GSE1: variants seen among roughly 807,000 people sequenced by gnomAD.
The protein encoded by GSE1 is genetic suppressor element 1.
A neutral mutation model predicts 112.6 loss-of-function variants in GSE1; 32 were observed. The observed-to-expected ratio is 0.28, with a 90% confidence interval of 0.21 to 0.38. The LOEUF (loss-of-function observed/expected upper bound fraction) is 0.38. Ranked by LOEUF, GSE1 falls within the 10% of genes least tolerant of loss-of-function variation. The pLI is 1.00. For synonymous variants in GSE1, 1,115 were observed against 735.6 expected (o/e 1.52, Z -8.35); for missense variants, 2,348 against 1,699.2 (o/e 1.38, Z -6.71).
At chr16:85,657,739 C>T (rs2052089669) in intron 8 of GSE1, 135 bp downstream of exon 8, 7 of 619,716 alleles carry the variant, frequency 1.1e-5, no homozygotes, top group East Asian at 6.4e-5. Flanking sequence ...GTTCTTTCAT[C>T]TTCACGTTAT....
At chr16:85,591,680 C>T (rs181345994) in intron 1 of GSE1, among the ~76,000 whole-genome samples, 46 of 152,352 alleles carry the variant, frequency 3.0e-4, no homozygotes, top group African/African-American at 9.9e-4. Context: ...AGGGTCCGGA[C>T]CTCACCGGGA....
intron 1 of GSE1, among the ~76,000 whole-genome samples, chr16:85,615,990 C>T (rs1264612407): frequency 6.6e-6 from 1 of 152,248 alleles, no homozygotes; most frequent in African/African-American, 2.4e-5. Context: ...CCCTCCCCTC[C>T]AGCAGTCACT....
At chr16:85,261,770 G>A (rs956351990) in intron 1 of GSE1, among the ~76,000 whole-genome samples, 1 of 152,172 alleles carries the variant, frequency 6.6e-6, no homozygotes, top group Admixed American at 6.5e-5. Context: ...TGCCAGAGCC[G>A]CCATCGTCCC....
At chr16:85,463,318 G>A (rs2050030003) in intron 2 of GSE1, among the ~76,000 whole-genome samples, 1 of 152,214 alleles carries the variant, frequency 6.6e-6, no homozygotes, top group Non-Finnish European at 1.5e-5. Context: ...CAGAAGAGAA[G>A]CCCTGGGTTG....
In GSE1 at chr16:85,410,231, G is replaced by GC. The variant is rs763879733; in HGVS notation, c.2464+52593dup. ...GATAATCCTCACTGTTACACTCAGG[G>GC]CCCCCTGGATAATCCTCACTGTTAC... On this transcript the variant is annotated intron_variant, in intron 2 of 2. Transcript: ENST00000637419. Among the ~76,000 whole-genome samples, 11 of 8,332 alleles carry GC rather than the reference G, an allele frequency of 1.3e-3. 3 individuals carry two copies. Among genetic ancestry groups the GC allele is most frequent in the African/African-American group, 5.5e-3 (11 of 2,006 alleles). 5.5% of individuals were successfully genotyped at this position (8,332 alleles called of 152,430 possible).
chr16:85,357,788 C>A (rs746377201), intron 2 of GSE1: 1 of 394,888 alleles, frequency 2.5e-6, no homozygotes, highest in Non-Finnish European at 4.5e-6. Flanking sequence ...TGCTGGGTCT[C>A]CCTTACTGGA....
intron 1 of GSE1, among the ~76,000 whole-genome samples, chr16:85,614,036 G>C (rs917408298): frequency 6.6e-6 from 1 of 151,508 alleles, no homozygotes; most frequent in Non-Finnish European, 1.5e-5. Context: ...GGGCTCGGCC[G>C]CTTCTCTCCT....
At chr16:85,174,699 C>T (rs560155541) in intron 1 of GSE1, among the ~76,000 whole-genome samples, 5 of 152,068 alleles carry the variant, frequency 3.3e-5, no homozygotes, top group Admixed American at 6.5e-5. Flanking sequence ...AGCAAAGTGC[C>T]GAGAAGTAGC....
At position 85,518,904 on chromosome 16, in the gene GSE1, G is replaced by T. The variant is rs79540063; in HGVS notation, c.2465-115010G>T. Among the ~76,000 whole-genome samples, 8 of 152,200 alleles carry T rather than the reference G, an allele frequency of 5.3e-5. No homozygotes were observed. The South Asian group carries it at 1.7e-3, about 32-fold the overall frequency. On this transcript the variant is annotated intron_variant, in intron 2 of 2. Transcript: ENST00000637419. ...ACCTGGGCCCCCAACACACACCCCC[G>T]TTTTGTCCTCCGCTGGCTCGTGTTT...
chr16:85,404,347 C>G, intron 2 of GSE1, among the ~76,000 whole-genome samples: 1 of 65,954 alleles, frequency 1.5e-5, no homozygotes, highest in South Asian at 9.9e-4. Flanking sequence ...GGATAATCCT[C>G]ACCGTTACAC....
chr16:85,413,863 C>G (rs1395034873), intron 2 of GSE1, among the ~76,000 whole-genome samples: 1 of 152,154 alleles, frequency 6.6e-6, no homozygotes, highest in Non-Finnish European at 1.5e-5. Context: ...TTTCCTTGTA[C>G]TGTTCTCGTG....
At chr16:85,324,514 A>G (rs573424985) in intron 1 of GSE1, among the ~76,000 whole-genome samples, 1 of 150,786 alleles carries the variant, frequency 6.6e-6, no homozygotes, top group Admixed American at 6.8e-5. Flanking sequence ...CCTCTCAAAA[A>G]AAAAAAAAAA....
At chr16:85,284,775 C>G (rs945321496) in intron 1 of GSE1, among the ~76,000 whole-genome samples, 12 of 152,300 alleles carry the variant, frequency 7.9e-5, no homozygotes, top group African/African-American at 2.6e-4. Flanking sequence ...CTGGCACACA[C>G]AGCTCACCTT....
At chr16:85,420,030 AG>A (rs1418886996) in intron 2 of GSE1, among the ~76,000 whole-genome samples, 4 of 152,338 alleles carry the variant, frequency 2.6e-5, no homozygotes, top group African/African-American at 9.6e-5. Context: ...GATGCTGAAC[AG>A]AACAAGTCCC....
At chr16:85,571,174 A>T (rs973490458) in intron 1 of GSE1, among the ~76,000 whole-genome samples, 3 of 152,022 alleles carry the variant, frequency 2.0e-5, no homozygotes, top group African/African-American at 7.3e-5. Flanking sequence ...GCACAGGGGA[A>T]CTTCCCTCCC....
intron 1 of GSE1, among the ~76,000 whole-genome samples, chr16:85,253,138 C>T (rs535392204): frequency 1.4e-5 from 2 of 139,426 alleles, no homozygotes; most frequent in African/African-American, 2.7e-5. Context: ...GAGCATATGG[C>T]GGGCATATGC....
chr16:85,418,744 C>T (rs2048760082), intron 2 of GSE1, among the ~76,000 whole-genome samples: 1 of 152,158 alleles, frequency 6.6e-6, no homozygotes. Flanking sequence ...GGGGGACAAG[C>T]CGGCAAGCAG....
intron 2 of GSE1, among the ~76,000 whole-genome samples, chr16:85,400,710 GTGTC>G (rs2048088523): frequency 6.6e-6 from 1 of 151,324 alleles, no homozygotes; most frequent in African/African-American, 2.4e-5. Context: ...TGTGTTGTAT[GTGTC>G]TGTGTCTCTG....
At chr16:85,663,651 T>G in intron 11 of GSE1, 37 bp downstream of exon 11, 1 of 1,585,282 alleles carries the variant, frequency 6.3e-7, no homozygotes, top group South Asian at 1.1e-5. Context: ...GGGGGCTCAC[T>G]GGGGTGGAAG....
Sources: gnomAD v4.1 joint callset for allele counts (sites outside exome capture counted in the v4.1 genomes callset) on GRCh38, gnomAD v4.1.1 for gene constraint, MANE v1.5 for transcripts, NCBI Gene and HGNC (gene_info 2026-07-23, HGNC 2026-07-21) for gene names.